Variants in BIN1 observed in about 807,000 individuals in gnomAD.
BIN1 encodes the protein myc box-dependent-interacting protein 1.
A neutral mutation model predicts 82.0 loss-of-function variants in BIN1; 53 were observed. The observed-to-expected ratio is 0.65, with a 90% CI of 0.52 to 0.81. The LOEUF (loss-of-function observed/expected upper bound fraction) is 0.81. Among genes scored for constraint, BIN1 ranks in the 40% least tolerant of loss-of-function variants. The probability of loss-of-function intolerance (pLI) is 0.00; values close to 1 mark genes in which losing one functional copy is unlikely to be tolerated. For synonymous variants in BIN1, 302 were observed against 328.0 expected (o/e 0.92, Z 0.86); for missense variants, 642 against 784.4 (o/e 0.82, Z 2.17).
chr2:127,051,299 C>G lies in BIN1; in HGVS notation c.1372-56G>C, dbSNP rs939939880. 8.2e-6 allele frequency: 13 copies of G among 1,581,314 alleles called. No individual in the cohort carries two copies. In the African/African-American group the frequency reaches 1.1e-4, roughly 13 times the overall value. On this transcript the variant is annotated intron_variant, in intron 15 of 18. Coordinates refer to ENST00000316724, the MANE Select transcript of BIN1 (RefSeq NM_139343.3). ...CACAGGACAGGACACAGCCAGGACA[C>G]AGGAAACAGGCCACAGGAGGGCAGC...
At chr2:127,081,187 A>C (rs749751331) in intron 1 of BIN1, among the ~76,000 whole-genome samples, 1 of 152,226 alleles carries the variant, frequency 6.6e-6, no homozygotes, top group African/African-American at 2.4e-5. Flanking sequence ...AGAAGGAGGA[A>C]GGGTGCCCAG....
At position 127,068,866 on chromosome 2, in the gene BIN1, A is replaced by T; in HGVS notation, c.519+58T>A. 1 of 1,516,888 alleles carries T rather than the reference A, an allele frequency of 6.6e-7. No homozygotes were observed. Among genetic ancestry groups the T allele is most frequent in the Non-Finnish European group, 9.1e-7 (1 of 1,093,476 alleles). The allele number at this position is 1,516,888 out of a possible 1,614,324, so 94.0% of individuals were successfully genotyped here. ...GAAGCCTCCACCCTCGGGGTCCTAG[A>T]CACCCGCCCTCTCTCAGCCCCCTGC... On this transcript the variant is annotated intron_variant, in intron 6 of 18. Transcript: ENST00000316724. This position sits in a 1 kb window ranked among gnomAD's most constrained non-coding sequence, Gnocchi z 4.9.
At chr2:127,062,633 G>T (rs534068420) in intron 9 of BIN1, among the ~76,000 whole-genome samples, 1 of 152,300 alleles carries the variant, frequency 6.6e-6, no homozygotes, top group African/African-American at 2.4e-5. Flanking sequence ...CTCACACACG[G>T]TGATTCTCAT....
chr2:127,054,935 G>A (rs1683447325), intron 12 of BIN1: 1 of 152,272 alleles, frequency 6.6e-6, no homozygotes, highest in African/African-American at 2.4e-5. Context: ...CCATGCCCAG[G>A]GCACAAGCTG....
At chr2:127,074,962 A>G (rs1336259921) in intron 2 of BIN1, among the ~76,000 whole-genome samples, 2 of 152,016 alleles carry the variant, frequency 1.3e-5, no homozygotes, top group African/African-American at 4.8e-5. Flanking sequence ...TGGCCCCCCA[A>G]AGTGCTGGGA....
In BIN1 at chr2:127,062,257, C is replaced by T. The variant is rs1044517362; in HGVS notation, c.775-60G>A. 2.7e-6 allele frequency: 4 copies of T among 1,490,216 alleles called. No homozygotes were observed. The African/African-American group carries it at 5.5e-5, about 21-fold the overall frequency. The allele number at this position is 1,490,216 out of a possible 1,614,324, so 92.3% of individuals were successfully genotyped here. ...CAAGGCCACCAAACGGCCCCACCTT[C>T]CCCAAACACCTCTGCTTCTCCCCAC... On this transcript the variant is annotated intron_variant, in intron 9 of 18. Transcript: ENST00000316724.
intron 1 of BIN1, among the ~76,000 whole-genome samples, chr2:127,088,740 TAAAAA>T (rs34767629): frequency 2.4e-4 from 33 of 138,526 alleles, no homozygotes; most frequent in African/African-American, 8.7e-4. Flanking sequence ...CCGTATCTCT[TAAAAA>T]AAAAAAAAAA....
chr2:127,053,233 A>C, intron 14 of BIN1, 189 bp downstream of exon 14: 1 of 780,118 alleles, frequency 1.3e-6, no homozygotes, highest in Admixed American at 2.1e-5. Flanking sequence ...CCAGAGGGAG[A>C]AGCAGCAGAA....
At chr2:127,060,686 C>A in intron 10 of BIN1, 2 of 1,611,858 alleles carry the variant, frequency 1.2e-6, no homozygotes, top group Non-Finnish European at 1.7e-6. Context: ...TGGAGAAAGG[C>A]CAGGTGCAGA....
At position 127,057,242 on chromosome 2, in the gene BIN1, CG is replaced by C. The variant is rs1228507777; in HGVS notation, c.1131+230del. Among the ~76,000 whole-genome samples the C allele has an allele frequency of 1.3e-5, 2 of 152,212 alleles. No homozygotes were observed. Among genetic ancestry groups the C allele is most frequent in the African/African-American group, 2.4e-5 (1 of 41,460 alleles). The stretch of plus-strand genomic sequence containing the variant: ...GATGTAACTGCTGCGCCGGGAGAGG[CG>C]GCACCTTCCCCTCTGTGGCCCTGCA... On this transcript the variant is annotated intron_variant, in intron 12 of 18. Coordinates refer to ENST00000316724, the MANE Select transcript of BIN1 (RefSeq NM_139343.3). This position sits in a 1 kb window ranked among gnomAD's most constrained non-coding sequence, Gnocchi z 5.0.
rs191760397 is a variant in BIN1, at chr2:127,057,455, G to A, written c.1131+18C>T. On this transcript the variant is annotated intron_variant, in intron 12 of 18. Coordinates refer to ENST00000316724, the MANE Select transcript of BIN1 (RefSeq NM_139343.3). The surrounding 1 kb of genome is among the most constrained non-coding windows in gnomAD (Gnocchi z 5.0). The stretch of plus-strand genomic sequence containing the variant: ...GGCAGGAAGAGAGGAGAGCTGGGCC[G>A]CGGCGGCCGCGGCTGACCTGGGAGG... The A allele has an allele frequency of 3.7e-4, 566 of 1,541,464 alleles. 2 individuals carry two copies. The African/African-American group carries it at 6.7e-3, about 18-fold the overall frequency.
intron 1 of BIN1, among the ~76,000 whole-genome samples, chr2:127,092,145 C>T (rs1428409615): frequency 6.6e-6 from 1 of 152,166 alleles, no homozygotes; most frequent in Non-Finnish European, 1.5e-5. Flanking sequence ...GCCCCTGCCC[C>T]AGGCCCTGGC....
At chr2:127,089,690 G>A (rs1287889159) in intron 1 of BIN1, among the ~76,000 whole-genome samples, 2 of 152,076 alleles carry the variant, frequency 1.3e-5, no homozygotes, top group Non-Finnish European at 2.9e-5. Context: ...GACCAGCTCA[G>A]GGCATCTAGT....
intron 11 of BIN1, 147 bp downstream of exon 11, chr2:127,058,864 C>T (rs1573579228): frequency 7.8e-7 from 1 of 1,281,674 alleles, no homozygotes; most frequent in African/African-American, 1.5e-5. Context: ...GACCCAGGTC[C>T]AGGCCCAACC....
Position 127,082,485 on chromosome 2 carries a change from G to T in BIN1, c.85-5779C>A, listed in dbSNP as rs1173053745. 6.6e-6 allele frequency among the ~76,000 whole-genome samples: 1 copy of T among 151,928 alleles called. No individual in the cohort carries two copies. The highest frequency in any genetic ancestry group is 2.4e-5 in the African/African-American group (1 of 41,308). ...GGGTTGGCGTGGGCAGGCCATGGTG[G>T]GCGCCCAGGCAGGGGAAGGGGTACA... On this transcript the variant is annotated intron_variant, in intron 1 of 18. Transcript: ENST00000316724. The surrounding 1 kb of genome is among the most constrained non-coding windows in gnomAD (Gnocchi z 6.1).
At chr2:127,062,003 C>G in intron 10 of BIN1, 112 bp downstream of exon 10, 1 of 1,291,138 alleles carries the variant, frequency 7.7e-7, no homozygotes, top group South Asian at 1.3e-5. Context: ...GTCCCTAGAC[C>G]CCCAAGGCCA....
chr2:127,087,780 A>T (rs1477858017), intron 1 of BIN1, among the ~76,000 whole-genome samples: 4 of 152,126 alleles, frequency 2.6e-5, no homozygotes, highest in African/African-American at 9.7e-5. Context: ...ACCGCTACCA[A>T]GCCCTTGGAT....
At chr2:127,051,498 G>A (rs1682944383) in intron 15 of BIN1, among the ~76,000 whole-genome samples, 2 of 152,118 alleles carry the variant, frequency 1.3e-5, no homozygotes, top group African/African-American at 4.8e-5. Flanking sequence ...CTGTGAAGAA[G>A]CCCAGTGCAA....
chr2:127,058,793 G>A (rs1000943341), intron 11 of BIN1, among the ~76,000 whole-genome samples: 1 of 152,084 alleles, frequency 6.6e-6, no homozygotes, highest in African/African-American at 2.4e-5. Flanking sequence ...TGGGGGCTGG[G>A]GAGGAGCGAG....
Sources: gnomAD v4.1 joint callset for allele counts (sites outside exome capture counted in the v4.1 genomes callset) on GRCh38, gnomAD v4.1.1 for gene constraint, Gnocchi (gnomAD v3.1) non-coding constraint, MANE v1.5 for transcripts, NCBI Gene and HGNC (gene_info 2026-07-23, HGNC 2026-07-21) for gene names.